The following POU6F2 variants were observed in gnomAD, a reference collection of about 807,000 sequenced individuals.
The protein encoded by POU6F2 is POU class 6 homeobox 2.
In POU6F2, 31 loss-of-function variants were observed where a neutral mutation model predicts 71.3. The observed-to-expected ratio is 0.43, with a 90% CI of 0.33 to 0.59. The LOEUF is 0.59. POU6F2 is among the 20% of genes least tolerant of loss of function. The pLI, the probability that POU6F2 is intolerant of heterozygous loss-of-function variation, is 0.04. For missense variants in POU6F2, 783 were observed against 856.8 expected (o/e 0.91, Z 1.07); for synonymous variants, 347 against 355.7 (o/e 0.98, Z 0.27).
At chr7:39,032,943 C>T (rs1789978295) in intron 1 of POU6F2, among the ~76,000 whole-genome samples, 1 of 152,204 alleles carries the variant, frequency 6.6e-6, no homozygotes, top group Admixed American at 6.5e-5. Context: ...GGAGTATGGA[C>T]TCCCTAGCTG....
At chr7:38,993,104 CTA>C (rs932976861) in intron 1 of POU6F2, among the ~76,000 whole-genome samples, 227 of 152,172 alleles carry the variant, frequency 1.5e-3, no homozygotes, top group African/African-American at 4.4e-3. Context: ...TGTTAATGGA[CTA>C]TTTTTTATTT....
At chr7:39,373,304 C>G (rs1042456670) in intron 5 of POU6F2, among the ~76,000 whole-genome samples, 1 of 152,100 alleles carries the variant, frequency 6.6e-6, no homozygotes, top group African/African-American at 2.4e-5. Context: ...AATGTTGGGA[C>G]GCTGAGCGGT....
intron 1 of POU6F2, among the ~76,000 whole-genome samples, chr7:39,024,080 A>G (rs1037849895): frequency 5.9e-5 from 9 of 152,158 alleles, no homozygotes; most frequent in Non-Finnish European, 4.4e-5. Context: ...CATTGAATCT[A>G]TAAATTACCT....
At chr7:39,029,367 T>A (rs1387238228) in intron 1 of POU6F2, among the ~76,000 whole-genome samples, 3 of 152,104 alleles carry the variant, frequency 2.0e-5, no homozygotes, top group Non-Finnish European at 4.4e-5. Flanking sequence ...TGTTTCCTAT[T>A]ACAGTGACTT....
At chr7:39,060,808 G>T (rs535405584) in intron 1 of POU6F2, among the ~76,000 whole-genome samples, 1 of 152,026 alleles carries the variant, frequency 6.6e-6, no homozygotes, top group African/African-American at 2.4e-5. Context: ...GTATGGTGCC[G>T]CATGCCTGTA....
intron 2 of POU6F2, among the ~76,000 whole-genome samples, chr7:39,190,987 A>G (rs912398628): frequency 9.9e-5 from 15 of 152,182 alleles, no homozygotes; most frequent in Non-Finnish European, 2.1e-4. Flanking sequence ...CTCCAGAAAG[A>G]CATTTTAACC....
At chr7:39,372,224 G>T (rs1439629125) in intron 5 of POU6F2, among the ~76,000 whole-genome samples, 1 of 152,076 alleles carries the variant, frequency 6.6e-6, no homozygotes, top group African/African-American at 2.4e-5. Flanking sequence ...CCTGGCCAAG[G>T]ATATTCTTTA....
At chr7:39,161,564 A>G (rs926915961) in intron 2 of POU6F2, among the ~76,000 whole-genome samples, 2 of 152,156 alleles carry the variant, frequency 1.3e-5, no homozygotes, top group Non-Finnish European at 2.9e-5. Context: ...CAGAGAGGTC[A>G]AGTGATTTGC....
intron 1 of POU6F2, among the ~76,000 whole-genome samples, chr7:38,981,801 A>C (rs1471555539): frequency 6.6e-6 from 1 of 152,224 alleles, no homozygotes; most frequent in Non-Finnish European, 1.5e-5. Context: ...AAAGTTGTAC[A>C]TCAGAAAACT....
chr7:39,226,579 G>A (rs1433080413), intron 4 of POU6F2, among the ~76,000 whole-genome samples: 1 of 152,164 alleles, frequency 6.6e-6, no homozygotes, highest in African/African-American at 2.4e-5. Flanking sequence ...CAAGTGCATT[G>A]AATGTAAAGC....
intron 5 of POU6F2, among the ~76,000 whole-genome samples, chr7:39,392,470 G>A (rs1168135413): frequency 6.6e-6 from 1 of 152,192 alleles, no homozygotes; most frequent in African/African-American, 2.4e-5. Flanking sequence ...AGCGTTCTTG[G>A]AACTAGCCTT....
intron 7 of POU6F2, among the ~76,000 whole-genome samples, chr7:39,439,653 C>A (rs1023044035): frequency 2.6e-5 from 4 of 152,100 alleles, no homozygotes; most frequent in South Asian, 2.1e-4. Context: ...CCACACCTGG[C>A]TATTTTTTGT....
intron 5 of POU6F2, among the ~76,000 whole-genome samples, chr7:39,379,825 A>C (rs1267772076): frequency 6.6e-6 from 1 of 152,210 alleles, no homozygotes; most frequent in East Asian, 1.9e-4. Context: ...GTGTGAGAGG[A>C]TATTCCTTCT....
In POU6F2 at chr7:39,327,124, A is replaced by G. The variant is rs866471282; in HGVS notation, c.599-12518A>G. On this transcript the variant is annotated intron_variant, in intron 4 of 9. Coordinates refer to ENST00000518318, the MANE Select transcript of POU6F2 (RefSeq NM_001370959.1). The stretch of plus-strand genomic sequence containing the variant: ...GAAACCCCGTCTCTACTAAAAATAC[A>G]AAAAATCAGCCTGGCGTGGTGGCGG... Among the ~76,000 whole-genome samples, 6 of 152,140 alleles carry G rather than the reference A, an allele frequency of 3.9e-5. No individual in the cohort carries two copies. In the South Asian group the frequency reaches 1.2e-3, roughly 32 times the overall value.
Position 39,466,888 on chromosome 7 carries a change from A to T in POU6F2, c.*2202A>T, listed in dbSNP as rs1789083869. The T allele has an allele frequency of 6.6e-6, 1 of 152,334 alleles. No individual in the cohort carries two copies. The highest frequency in any genetic ancestry group is 1.5e-5 in the Non-Finnish European group (1 of 68,044). 9.4% of individuals were successfully genotyped at this position (152,334 alleles called of 1,614,324 possible). On this transcript the variant is annotated 3_prime_UTR_variant, in exon 10 of 10. Transcript: ENST00000518318. ...ACAAACATGGACAACCCAGAAACCC[A>T]AAACTTTATTGATTAAAACAGATTT...
intron 6 of POU6F2, among the ~76,000 whole-genome samples, chr7:39,410,597 C>T (rs560729651): frequency 3.9e-5 from 6 of 152,188 alleles, no homozygotes; most frequent in African/African-American, 1.2e-4. Context: ...TCTGTGACGT[C>T]GGGCAAATTA....
At chr7:39,013,337 C>G (rs1332864546) in intron 1 of POU6F2, 2 of 152,388 alleles carry the variant, frequency 1.3e-5, no homozygotes, top group Non-Finnish European at 2.9e-5. Context: ...AGGGAACTCC[C>G]TGACCCCTTG....
At chr7:39,312,189 GA>G (rs11310175) in intron 4 of POU6F2, among the ~76,000 whole-genome samples, 123,399 of 150,646 alleles carry the variant, frequency 0.82, 50,440 homozygotes, top group Admixed American at 0.88. Context: ...GTAGAAAAAA[GA>G]AAAAAAAAAC....
intron 4 of POU6F2, among the ~76,000 whole-genome samples, chr7:39,259,312 G>T (rs745423304): frequency 6.6e-6 from 1 of 152,200 alleles, no homozygotes; most frequent in African/African-American, 2.4e-5. Flanking sequence ...GTAATCCTGG[G>T]TAAGTTATTC....
Sources: gnomAD v4.1 joint callset for allele counts (sites outside exome capture counted in the v4.1 genomes callset) on GRCh38, gnomAD v4.1.1 for gene constraint, MANE v1.5 for transcripts, NCBI Gene and HGNC (gene_info 2026-07-23, HGNC 2026-07-21) for gene names.